HNRNPR: variants seen among roughly 807,000 people sequenced by gnomAD.
The protein encoded by HNRNPR is heterogeneous nuclear ribonucleoprotein R.
HNRNPR carries 4 observed loss-of-function variants against 70.3 expected under a neutral mutation model. The ratio of observed to expected loss-of-function variants is 0.06; its 90% confidence interval spans 0.03 to 0.13. The LOEUF (loss-of-function observed/expected upper bound fraction) is 0.13. HNRNPR is among the 10% of genes least tolerant of loss of function. The pLI is 1.00. For missense variants in HNRNPR, 423 were observed against 788.5 expected (o/e 0.54, Z 5.55); for synonymous variants, 241 against 267.6 (o/e 0.90, Z 0.97).
chr1:23,321,788 C>T, intron 6 of HNRNPR, 125 bp from the exon 7 acceptor site: 1 of 823,414 alleles, frequency 1.2e-6, no homozygotes, highest in Admixed American at 2.9e-5. Context: ...CAAGTTCCCT[C>T]ATGCTTTCCA....
At chr1:23,335,345 A>G (rs1366331513) in intron 4 of HNRNPR, among the ~76,000 whole-genome samples, 1 of 152,244 alleles carries the variant, frequency 6.6e-6, no homozygotes, top group Non-Finnish European at 1.5e-5. Context: ...ACTGAAACAG[A>G]GCCATAAATG....
At position 23,308,203 on chromosome 1, in the gene HNRNPR, G is replaced by A. The variant is rs145280700; in HGVS notation, c.*2251C>T. On this transcript the variant is annotated 3_prime_UTR_variant, in exon 11 of 11. Transcript: ENST00000302271. ...AATTAGTGAAAAGGACAGAGGAGGA[G>A]GTGGCCACTTTAAAATTCAAAATAT... 67 of 152,102 alleles carry A rather than the reference G, an allele frequency of 4.4e-4. No homozygotes were observed. Among genetic ancestry groups the A allele is most frequent in the African/African-American group, 1.6e-3 (65 of 41,552 alleles). 9.4% of individuals were successfully genotyped at this position (152,102 alleles called of 1,614,324 possible). A position where few individuals can be genotyped will look rare whatever the true frequency, so the allele number is the denominator to read the frequency against.
chr1:23,341,899 A>C (rs672290), intron 1 of HNRNPR, among the ~76,000 whole-genome samples: 18 of 152,202 alleles, frequency 1.2e-4, no homozygotes, highest in African/African-American at 4.3e-4. Flanking sequence ...CCTGTAGGTA[A>C]TGCTGAAATG....
intron 3 of HNRNPR, 161 bp from the exon 4 acceptor site, chr1:23,338,022 AG>A: frequency 1.7e-6 from 1 of 585,858 alleles, no homozygotes; most frequent in Non-Finnish European, 3.0e-6. Context: ...CAGAGATTGG[AG>A]CAGACAGCAG....
At chr1:23,313,816 G>T in intron 8 of HNRNPR, 114 bp from the exon 9 acceptor site, 1 of 1,183,372 alleles carries the variant, frequency 8.5e-7, no homozygotes, top group Non-Finnish European at 1.2e-6. Context: ...AGTGCTAAAA[G>T]TGTTGTTACA....
chr1:23,321,203 G>A (rs987384841), intron 7 of HNRNPR, among the ~76,000 whole-genome samples: 2 of 147,580 alleles, frequency 1.4e-5, no homozygotes, highest in Non-Finnish European at 3.0e-5. Flanking sequence ...GCAGCAGGGA[G>A]AGAGTAAAAA....
At chr1:23,322,236 C>T (rs1050066999) in intron 6 of HNRNPR, among the ~76,000 whole-genome samples, 1 of 151,336 alleles carries the variant, frequency 6.6e-6, no homozygotes, top group Non-Finnish European at 1.5e-5. Flanking sequence ...TAAATTGTAG[C>T]CCTTTTTTTT....
chr1:23,313,481 A>C, intron 9 of HNRNPR, 72 bp downstream of exon 9: 1 of 1,001,132 alleles, frequency 1.0e-6, no homozygotes, highest in Non-Finnish European at 1.5e-6. Flanking sequence ...TCAGTTTTTA[A>C]AGTTACTTTG....
intron 1 of HNRNPR, among the ~76,000 whole-genome samples, 174 bp downstream of exon 1, chr1:23,344,037 G>C (rs1216435074): frequency 1.3e-5 from 2 of 152,070 alleles, no homozygotes; most frequent in African/African-American, 4.8e-5. Context: ...GTTTCGGCCG[G>C]GCTAGGCCCA....
At position 23,307,988 on chromosome 1, in the gene HNRNPR, T is replaced by TA. The variant is rs1439678049; in HGVS notation, c.*2465dup. On this transcript the variant is annotated 3_prime_UTR_variant, in exon 11 of 11. Coordinates refer to ENST00000302271, the MANE Select transcript of HNRNPR (RefSeq NM_005826.5). The stretch of plus-strand genomic sequence containing the variant: ...TTTTCAGGTTTATATATTACACTGT[T>TA]AGATTTATTTATGTGAAAAGTTGAG... The TA allele has an allele frequency of 1.3e-5, 2 of 152,026 alleles. No homozygotes were observed. Among genetic ancestry groups the TA allele is most frequent in the African/African-American group, 4.8e-5 (2 of 41,446 alleles). The allele number at this position is 152,026 out of a possible 1,614,324, so 9.4% of individuals were successfully genotyped here.
At chr1:23,337,654 CA>C (rs372423149) in intron 4 of HNRNPR, 99 bp downstream of exon 4, 57,267 of 600,722 alleles carry the variant, frequency 0.095, 626 homozygotes, top group African/African-American at 0.2. Flanking sequence ...GACTCCGTCT[CA>C]AAAAAAAAAA....
At chr1:23,342,235 C>A (rs895895965) in intron 1 of HNRNPR, among the ~76,000 whole-genome samples, 3 of 152,188 alleles carry the variant, frequency 2.0e-5, no homozygotes, top group Non-Finnish European at 4.4e-5. Context: ...GCACCAGGTG[C>A]AGTTTTCTGG....
intron 8 of HNRNPR, among the ~76,000 whole-genome samples, 191 bp from the exon 9 acceptor site, chr1:23,313,893 T>C (rs1375173313): frequency 6.6e-6 from 1 of 152,156 alleles, no homozygotes; most frequent in African/African-American, 2.4e-5. Context: ...AATTATTGGT[T>C]CCTGCCTTCT....
chr1:23,327,681 C>G (rs552825436), intron 5 of HNRNPR, among the ~76,000 whole-genome samples: 1 of 150,778 alleles, frequency 6.6e-6, no homozygotes, highest in East Asian at 1.9e-4. Context: ...CAGAGTGAGA[C>G]TCTGTCTTAA....
In HNRNPR at chr1:23,309,294, G is replaced by C. The variant is rs1477417874; in HGVS notation, c.*1160C>G. ...AACCAGTAACTGAAATGGTAGTCAC[G>C]ATCATTTTCACTAAAACTAAAGTCC... On this transcript the variant is annotated 3_prime_UTR_variant, in exon 11 of 11. Transcript: ENST00000302271. 6.6e-6 allele frequency: 1 copy of C among 152,020 alleles called. No individual in the cohort carries two copies. The highest frequency in any genetic ancestry group is 1.5e-5 in the Non-Finnish European group (1 of 67,958). The allele number at this position is 152,020 out of a possible 1,614,324, so 9.4% of individuals were successfully genotyped here. A position where few individuals can be genotyped will look rare whatever the true frequency, so the allele number is the denominator to read the frequency against.
chr1:23,308,857 C>T lies in HNRNPR; in HGVS notation c.*1597G>A, dbSNP rs1280613208. 1 of 151,962 alleles carries T rather than the reference C, an allele frequency of 6.6e-6. No individual in the cohort carries two copies. Among genetic ancestry groups the T allele is most frequent in the Non-Finnish European group, 1.5e-5 (1 of 67,894 alleles). The allele number at this position is 151,962 out of a possible 1,614,324, so 9.4% of individuals were successfully genotyped here. On this transcript the variant is annotated 3_prime_UTR_variant, in exon 11 of 11. Transcript: ENST00000302271. ...CTATCACAAAGACACCAAACAGGAACAAAACACAGAATAATGGTGTATCCA... is the reference window on the plus strand; with the variant it reads ...CTATCACAAAGACACCAAACAGGAATAAAACACAGAATAATGGTGTATCCA...
At chr1:23,316,563 T>TA (rs548586276) in intron 8 of HNRNPR, among the ~76,000 whole-genome samples, 1 of 152,310 alleles carries the variant, frequency 6.6e-6, no homozygotes, top group East Asian at 1.9e-4. Flanking sequence ...ATTCCTCTTT[T>TA]ATAATATTTT....
intron 6 of HNRNPR, among the ~76,000 whole-genome samples, chr1:23,323,041 A>G (rs975787457): frequency 2.0e-5 from 3 of 152,200 alleles, no homozygotes; most frequent in African/African-American, 7.2e-5. Context: ...CTCAAGGGCC[A>G]AGAAACATAC....
chr1:23,339,641 G>A (rs1646637280), intron 2 of HNRNPR, among the ~76,000 whole-genome samples: 1 of 152,132 alleles, frequency 6.6e-6, no homozygotes, highest in South Asian at 2.1e-4. Flanking sequence ...ATTCCATATA[G>A]TAAATTTTAA....
Sources: allele counts gnomAD v4.1 joint callset (sites outside exome capture counted in the v4.1 genomes callset), GRCh38; gene constraint gnomAD v4.1.1; transcripts MANE v1.5; gene names NCBI Gene and HGNC (gene_info 2026-07-23, HGNC 2026-07-21).